The following RBFOX1 variants were observed in gnomAD, a reference collection of about 807,000 sequenced individuals.
RBFOX1 encodes RNA binding protein fox-1 homolog 1.
In RBFOX1, 8 loss-of-function variants were observed where a neutral mutation model predicts 57.7. That is an observed-to-expected ratio of 0.14 (90% CI 0.08 to 0.25). The LOEUF (loss-of-function observed/expected upper bound fraction) is 0.25, where lower values mean the gene tolerates loss of function less well. Ranked by LOEUF, RBFOX1 falls within the 10% of genes least tolerant of loss-of-function variation. The probability of loss-of-function intolerance (pLI) is 1.00; values close to 1 mark genes in which losing one functional copy is unlikely to be tolerated. For synonymous variants in RBFOX1, 326 were observed against 222.4 expected (o/e 1.47, Z -4.15); for missense variants, 611 against 548.5 (o/e 1.11, Z -1.14).
In RBFOX1 at chr16:7,509,489, A is replaced by G. The variant is rs79607474; in HGVS notation, c.28-8658A>G. ...TGTGATTTTTAATTAGATCCTTACA[A>G]TAATATGGTGAAGCTACTCATCATT... On this transcript the variant is annotated intron_variant, in intron 4 of 15. Coordinates refer to ENST00000550418, the MANE Select transcript of RBFOX1 (RefSeq NM_018723.4). 4.8e-3 allele frequency among the ~76,000 whole-genome samples: 730 copies of G among 151,968 alleles called. 9 individuals are homozygous for G. Among genetic ancestry groups the G allele is most frequent in the African/African-American group, 0.016 (665 of 41,428 alleles).
chr16:7,696,769 A>G (rs1281114131), intron 14 of RBFOX1, among the ~76,000 whole-genome samples: 1 of 152,190 alleles, frequency 6.6e-6, no homozygotes, highest in Non-Finnish European at 1.5e-5. Context: ...GATGGAAAGT[A>G]AGGTGCAATG....
At chr16:6,779,485 C>T (rs2079970084) in intron 3 of RBFOX1, among the ~76,000 whole-genome samples, 1 of 151,390 alleles carries the variant, frequency 6.6e-6, no homozygotes, top group South Asian at 2.1e-4. Flanking sequence ...CATGGCAGTG[C>T]ACATATCTCT....
At chr16:5,546,621 T>G (rs1189911663) in intron 2 of RBFOX1, among the ~76,000 whole-genome samples, 2 of 152,194 alleles carry the variant, frequency 1.3e-5, no homozygotes, top group Admixed American at 1.3e-4. Flanking sequence ...AAATGCATCA[T>G]ACATTCAGAT....
At chr16:6,925,127 T>A (rs1474874938) in intron 3 of RBFOX1, among the ~76,000 whole-genome samples, 1 of 90,396 alleles carries the variant, frequency 1.1e-5, no homozygotes, top group African/African-American at 4.7e-5. Context: ...TTTTTTTTTT[T>A]TTTTTTTTTT....
At chr16:6,508,260 G>A (rs2096161147) in intron 2 of RBFOX1, among the ~76,000 whole-genome samples, 1 of 151,966 alleles carries the variant, frequency 6.6e-6, no homozygotes, top group African/African-American at 2.4e-5. Context: ...AATAACTAAT[G>A]GGTACTAGCC....
intron 5 of RBFOX1, among the ~76,000 whole-genome samples, chr16:7,576,912 C>T (rs1407719083): frequency 6.6e-6 from 1 of 152,138 alleles, no homozygotes; most frequent in Non-Finnish European, 1.5e-5. Context: ...CATCTGTAAA[C>T]TCCGAGTCTG....
chr16:6,731,965 A>G (rs2068725621), intron 3 of RBFOX1, among the ~76,000 whole-genome samples: 1 of 152,188 alleles, frequency 6.6e-6, no homozygotes, highest in South Asian at 2.1e-4. Flanking sequence ...AGCTGAGCCT[A>G]CTAAAACCAA....
intron 4 of RBFOX1, among the ~76,000 whole-genome samples, chr16:5,935,838 C>T (rs2059157006): frequency 6.6e-6 from 1 of 152,132 alleles, no homozygotes; most frequent in Non-Finnish European, 1.5e-5. Flanking sequence ...TTTGGGTGGT[C>T]ATGGTTCTAA....
intron 3 of RBFOX1, among the ~76,000 whole-genome samples, chr16:5,612,433 C>A (rs73527609): frequency 0.047 from 7,074 of 151,330 alleles, 568 homozygotes; most frequent in African/African-American, 0.16. Context: ...ACTAGGACCC[C>A]CCCTCTGTGG....
chr16:5,589,424 G>C (rs1456587066), intron 2 of RBFOX1, among the ~76,000 whole-genome samples: 1 of 152,148 alleles, frequency 6.6e-6, no homozygotes, highest in Non-Finnish European at 1.5e-5. Flanking sequence ...CCAAAAATGA[G>C]GATGAGCGTT....
At chr16:6,438,240 G>T (rs192354351) in intron 2 of RBFOX1, among the ~76,000 whole-genome samples, 95 of 152,326 alleles carry the variant, frequency 6.2e-4, no homozygotes, top group African/African-American at 2.2e-3. Flanking sequence ...CTGACGCTGT[G>T]CTCTGTGCCT....
intron 1 of RBFOX1, among the ~76,000 whole-genome samples, chr16:6,064,128 A>G (rs1269864877): frequency 2.6e-5 from 4 of 152,158 alleles, no homozygotes; most frequent in Admixed American, 2.0e-4. Context: ...GCTCCTTACT[A>G]CTGAAGGTAT....
intron 1 of RBFOX1, among the ~76,000 whole-genome samples, chr16:5,326,708 C>T (rs774474606): frequency 1.4e-4 from 22 of 152,140 alleles, no homozygotes; most frequent in Non-Finnish European, 2.9e-4. Flanking sequence ...CATTTTTAAG[C>T]GGTGGCTGTT....
At chr16:5,663,019 G>A (rs771694890) in intron 3 of RBFOX1, among the ~76,000 whole-genome samples, 1 of 152,172 alleles carries the variant, frequency 6.6e-6, no homozygotes, top group Non-Finnish European at 1.5e-5. Context: ...CTCCCAGAGG[G>A]CAGTTGGCAA....
chr16:6,497,673 C>T (rs556815037), intron 2 of RBFOX1, among the ~76,000 whole-genome samples: 3 of 152,030 alleles, frequency 2.0e-5, no homozygotes, highest in African/African-American at 7.2e-5. Context: ...TGTCCTGCCT[C>T]AGCCTCCTGA....
chr16:7,141,836 C>T (rs1431210970), intron 4 of RBFOX1, among the ~76,000 whole-genome samples: 1 of 152,126 alleles, frequency 6.6e-6, no homozygotes, highest in Non-Finnish European at 1.5e-5. Flanking sequence ...GACTGGACAC[C>T]ATGCTACTGC....
intron 4 of RBFOX1, among the ~76,000 whole-genome samples, chr16:7,391,932 T>A (rs1295045015): frequency 6.6e-6 from 1 of 152,240 alleles, no homozygotes; most frequent in Non-Finnish European, 1.5e-5. Flanking sequence ...GTTTACCTTA[T>A]GCACTCCATC....
intron 2 of RBFOX1, among the ~76,000 whole-genome samples, chr16:6,391,666 A>T (rs1379809072): frequency 6.6e-6 from 1 of 152,204 alleles, no homozygotes; most frequent in African/African-American, 2.4e-5. Flanking sequence ...ATGGAAGGTG[A>T]TAGTCATGGG....
At chr16:7,083,681 G>C (rs746769656) in intron 4 of RBFOX1, among the ~76,000 whole-genome samples, 6 of 152,034 alleles carry the variant, frequency 3.9e-5, no homozygotes, top group Non-Finnish European at 7.4e-5. Context: ...TCCCTATCAG[G>C]CAAAATGTTC....
Sources: gnomAD v4.1 joint callset for allele counts (sites outside exome capture counted in the v4.1 genomes callset) on GRCh38, gnomAD v4.1.1 for gene constraint, MANE v1.5 for transcripts, NCBI Gene and HGNC (gene_info 2026-07-23, HGNC 2026-07-21) for gene names.